Variants in TSPAN9 observed in about 807,000 individuals in gnomAD.
TSPAN9 encodes the protein tetraspanin-9.
A neutral mutation model predicts 31.0 loss-of-function variants in TSPAN9; 16 were observed. The ratio of observed to expected loss-of-function variants is 0.52; its 90% CI spans 0.35 to 0.78. TSPAN9 has a LOEUF of 0.78. TSPAN9 is among the 30% of genes least tolerant of loss of function. The pLI is 0.01. For synonymous variants in TSPAN9, 145 were observed against 121.6 expected, an observed-to-expected ratio of 1.19 and a Z score of -1.27; for missense variants, 272 against 312.5, an observed-to-expected ratio of 0.87 and a Z score of 0.98.
chr12:3,250,025 C>A (rs943943868), intron 3 of TSPAN9, among the ~76,000 whole-genome samples: 1 of 152,086 alleles, frequency 6.6e-6, no homozygotes, highest in Admixed American at 6.5e-5. Context: ...TTAGGACTAC[C>A]CATGCTGGGT....
intron 2 of TSPAN9, among the ~76,000 whole-genome samples, chr12:3,186,279 G>GTTTCT (rs1475926018): frequency 2.0e-5 from 3 of 152,154 alleles, no homozygotes; most frequent in Non-Finnish European, 4.4e-5. Flanking sequence ...TCGTAGCTTT[G>GTTTCT]GGAATACAGC....
At chr12:3,173,051 A>G (rs578163920) in intron 2 of TSPAN9, 1 of 152,398 alleles carries the variant, frequency 6.6e-6, no homozygotes, top group South Asian at 2.1e-4. Flanking sequence ...TTACCTGAAC[A>G]TTACCACAGC....
At position 3,246,691 on chromosome 12, in the gene TSPAN9, C is replaced by T. The variant is rs926261966; in HGVS notation, c.64-31730C>T. On this transcript the variant is annotated intron_variant, in intron 3 of 8. Coordinates refer to ENST00000011898, the MANE Select transcript of TSPAN9 (RefSeq NM_006675.5). Reference sequence around the variant, plus strand: ...TCCCATTCCTGGGCCTAATAATAGCCCCTTTTGGGGTAGGGCAGAGCAAAA... The same window carrying T: ...TCCCATTCCTGGGCCTAATAATAGCTCCTTTTGGGGTAGGGCAGAGCAAAA... Among the ~76,000 whole-genome samples, 9 of 152,156 alleles carry T rather than the reference C, an allele frequency of 5.9e-5. No individual in the cohort carries two copies. In the East Asian group the frequency reaches 1.5e-3, roughly 26 times the overall value.
chr12:3,089,519 T>A (rs112490972), intron 2 of TSPAN9, among the ~76,000 whole-genome samples: 16,512 of 151,598 alleles, frequency 0.11, 2,739 homozygotes, highest in African/African-American at 0.36. Flanking sequence ...GTGGTCTCGA[T>A]CTCCTGACCT....
intron 2 of TSPAN9, among the ~76,000 whole-genome samples, chr12:3,095,509 C>T (rs1489357990): frequency 8.0e-6 from 1 of 125,188 alleles, no homozygotes; most frequent in Middle Eastern, 4.4e-3. Flanking sequence ...ACTGACCCCC[C>T]CCCACCTCCC....
rs146288062 is a variant in TSPAN9, at chr12:3,274,030, G to T, written c.64-4391G>T. Among the ~76,000 whole-genome samples the T allele has an allele frequency of 4.4e-3, 663 of 152,308 alleles. 6 individuals are homozygous for T. Among genetic ancestry groups the T allele is most frequent in the African/African-American group, 0.015 (615 of 41,578 alleles). On this transcript the variant is annotated intron_variant, in intron 3 of 8. Transcript: ENST00000011898. ...CAGCCCAAGGGTGGGTGCCTGGCGT[G>T]GGGGGATAGGGTAGGGGGCGGGGTT...
chr12:3,093,586 TC>T (rs539826888), intron 2 of TSPAN9, among the ~76,000 whole-genome samples: 191 of 152,118 alleles, frequency 1.3e-3, no homozygotes, highest in Middle Eastern at 6.8e-3. Flanking sequence ...ATCGAATGGA[TC>T]CCCCATTAGA....
At chr12:3,178,376 T>G (rs187896223) in intron 2 of TSPAN9, among the ~76,000 whole-genome samples, 1 of 151,508 alleles carries the variant, frequency 6.6e-6, no homozygotes, top group Non-Finnish European at 1.5e-5. Flanking sequence ...CTGCAACCCC[T>G]GCTTCCTGGG....
intron 3 of TSPAN9, among the ~76,000 whole-genome samples, chr12:3,257,016 T>C (rs981736903): frequency 6.6e-6 from 1 of 152,128 alleles, no homozygotes; most frequent in Non-Finnish European, 1.5e-5. Flanking sequence ...CAGGTGACAT[T>C]GAAGTTTGGG....
At chr12:3,249,431 C>G (rs1243940164) in intron 3 of TSPAN9, among the ~76,000 whole-genome samples, 1 of 152,196 alleles carries the variant, frequency 6.6e-6, no homozygotes, top group African/African-American at 2.4e-5. Context: ...CTTAAAGTTT[C>G]TGTCTCAAAC....
intron 3 of TSPAN9, among the ~76,000 whole-genome samples, chr12:3,240,764 T>C (rs554565314): frequency 3.9e-5 from 6 of 152,328 alleles, no homozygotes; most frequent in Admixed American, 3.9e-4. Flanking sequence ...TGTGATTTAA[T>C]GTAGATTTTA....
chr12:3,089,367 G>A (rs1326017766), intron 2 of TSPAN9, among the ~76,000 whole-genome samples: 1 of 142,814 alleles, frequency 7.0e-6, no homozygotes, highest in Non-Finnish European at 1.5e-5. Context: ...CGTGATCTTG[G>A]CTCACTGCAA....
At chr12:3,167,509 A>C (rs1444390263) in intron 2 of TSPAN9, among the ~76,000 whole-genome samples, 1 of 152,142 alleles carries the variant, frequency 6.6e-6, no homozygotes, top group Non-Finnish European at 1.5e-5. Context: ...CTTCTTAATG[A>C]TTAGGATGGT....
chr12:3,152,035 T>C (rs2098340022), intron 2 of TSPAN9, among the ~76,000 whole-genome samples: 1 of 152,226 alleles, frequency 6.6e-6, no homozygotes, highest in Non-Finnish European at 1.5e-5. Flanking sequence ...GGGGCTGTGA[T>C]TTGCTGCTTG....
intron 2 of TSPAN9, among the ~76,000 whole-genome samples, chr12:3,160,043 A>C (rs1431528055): frequency 6.6e-6 from 1 of 152,230 alleles, no homozygotes; most frequent in South Asian, 2.1e-4. Flanking sequence ...TTATCACCTC[A>C]GAAAGAAACC....
chr12:3,113,636 T>A (rs1278256375), intron 2 of TSPAN9, among the ~76,000 whole-genome samples: 1 of 152,162 alleles, frequency 6.6e-6, no homozygotes, highest in Non-Finnish European at 1.5e-5. Flanking sequence ...ATCCGATGGT[T>A]CTCAGTCCCC....
chr12:3,268,463 T>TCC (rs1221468772), intron 3 of TSPAN9, among the ~76,000 whole-genome samples: 19 of 142,928 alleles, frequency 1.3e-4, no homozygotes, highest in African/African-American at 4.4e-4. Flanking sequence ...CAGCCTGCCC[T>TCC]CTGTGCGTTC....
intron 3 of TSPAN9, among the ~76,000 whole-genome samples, chr12:3,264,345 C>G (rs1286373803): frequency 6.6e-6 from 1 of 152,216 alleles, no homozygotes; most frequent in Non-Finnish European, 1.5e-5. Flanking sequence ...CGCCTCAACC[C>G]ACCTCCTCTG....
rs764710883 is a variant in TSPAN9 at position 3,278,546 on chromosome 12, T to C, written c.189T>C (p.Ile63=). ...AANLVIAIGT[I]VMVTGFLGCL... ...ACCTGGTCATTGCCATAGGCACCATTGTCATGGTGACGGGCTTCCTCGGCT... is the reference window on the plus strand; with the variant it reads ...ACCTGGTCATTGCCATAGGCACCATCGTCATGGTGACGGGCTTCCTCGGCT... The change falls in exon 4 of 9, where the codon ATT becomes ATC. Residue 63 remains isoleucine (I), a synonymous_variant. Coordinates refer to ENST00000011898, the MANE Select transcript of TSPAN9 (RefSeq NM_006675.5). The C allele has an allele frequency of 3.1e-6, 5 of 1,614,208 alleles. No homozygotes were observed. In the South Asian group the frequency reaches 3.3e-5, roughly 11 times the overall value.
Sources: gnomAD v4.1 joint callset for allele counts (sites outside exome capture counted in the v4.1 genomes callset) on GRCh38, gnomAD v4.1.1 for gene constraint, MANE v1.5 for transcripts, NCBI Gene and HGNC (gene_info 2026-07-23, HGNC 2026-07-21) for gene names.